The following C9orf85 variants were observed in gnomAD, a reference collection of about 807,000 sequenced individuals.
C9orf85 encodes the protein chromosome 9 open reading frame 85.
In C9orf85, 16 loss-of-function variants were observed where a neutral mutation model predicts 14.9. The observed-to-expected ratio is 1.08, with a 90% CI of 0.73 to 1.63. The LOEUF (loss-of-function observed/expected upper bound fraction) is 1.63. Among genes scored for constraint, C9orf85 ranks in the 40% most tolerant of loss-of-function variants. The probability of loss-of-function intolerance (pLI) is 0.00; values close to 1 mark genes in which losing one functional copy is unlikely to be tolerated. For synonymous variants in C9orf85, 45 were observed against 56.8 expected (o/e 0.79, Z 0.93); for missense variants, 172 against 186.1 (o/e 0.92, Z 0.44).
downstream of C9orf85, among the ~76,000 whole-genome samples, chr9:71,976,576 G>T (rs1331792851): frequency 6.6e-6 from 1 of 151,790 alleles, no homozygotes; most frequent in Non-Finnish European, 1.5e-5. Flanking sequence ...GCAGGAGAAT[G>T]GCATGAACCC....
chr9:71,943,402 C>G (rs1358196121), intron 1 of C9orf85, among the ~76,000 whole-genome samples: 3 of 151,972 alleles, frequency 2.0e-5, no homozygotes, highest in African/African-American at 7.3e-5. Context: ...TTTCAACTAC[C>G]GTAGTATCTT....
chr9:71,953,675 T>C (rs1162812184), intron 2 of C9orf85, among the ~76,000 whole-genome samples: 1 of 152,180 alleles, frequency 6.6e-6, no homozygotes, highest in Non-Finnish European at 1.5e-5. Flanking sequence ...AGTGTACCCC[T>C]TACCTATTCA....
intron 2 of C9orf85, among the ~76,000 whole-genome samples, chr9:71,959,281 G>T (rs770961353): frequency 6.6e-6 from 1 of 151,930 alleles, no homozygotes; most frequent in Non-Finnish European, 1.5e-5. Context: ...GGGATTACAG[G>T]CACGCCCCAC....
rs143805337 is a variant in C9orf85 at position 71,982,200 on chromosome 9, G to T, written c.324-457G>T. On this transcript the variant is annotated intron_variant, in intron 3 of 3. Transcript: ENST00000377031. ...CACCTTACATGACATTTTTGAGGTAGAGCCATGTTAAAACATGTACCGATA... is the reference window on the plus strand; with the variant it reads ...CACCTTACATGACATTTTTGAGGTATAGCCATGTTAAAACATGTACCGATA... Among the ~76,000 whole-genome samples, 29 of 151,940 alleles carry T rather than the reference G, an allele frequency of 1.9e-4. No individual in the cohort carries two copies. In the East Asian group the frequency reaches 4.4e-3, roughly 23 times the overall value.
intron 2 of C9orf85, among the ~76,000 whole-genome samples, chr9:71,968,214 G>C (rs2132353465): frequency 6.6e-6 from 1 of 151,672 alleles, no homozygotes; most frequent in South Asian, 2.1e-4. Flanking sequence ...TTTTGTCATG[G>C]ATTTTTACAT....
At chr9:71,972,264 AT>A (rs569084456) in intron 3 of C9orf85, among the ~76,000 whole-genome samples, 44 of 147,040 alleles carry the variant, frequency 3.0e-4, no homozygotes, top group Non-Finnish European at 3.2e-4. Flanking sequence ...GCGTTCAATG[AT>A]TTTTTTTTTT....
intron 2 of C9orf85, among the ~76,000 whole-genome samples, chr9:71,970,411 A>G (rs1822827759): frequency 1.3e-5 from 2 of 152,304 alleles, no homozygotes; most frequent in Admixed American, 1.3e-4. Flanking sequence ...TAAGTACCTC[A>G]CGATCCTTAT....
chr9:71,974,248 A>AT (rs1822962096), downstream of C9orf85, among the ~76,000 whole-genome samples: 1 of 49,014 alleles, frequency 2.0e-5, no homozygotes, highest in South Asian at 1.3e-3. Context: ...TTTTTATTTT[A>AT]CTTTTTTTTT....
intron 1 of C9orf85, among the ~76,000 whole-genome samples, chr9:71,944,175 A>T (rs1416362005): frequency 6.6e-6 from 1 of 151,762 alleles, no homozygotes; most frequent in Non-Finnish European, 1.5e-5. Flanking sequence ...CAGAGGTTGC[A>T]GTGAGCTAAG....
downstream of C9orf85, chr9:71,985,161 C>T (rs1823185173): frequency 6.6e-6 from 1 of 152,214 alleles, no homozygotes; most frequent in Non-Finnish European, 1.5e-5. Context: ...CCTCTCCAAA[C>T]ATCTATTTGT....
chr9:71,982,546 G>A (rs1361869784), intron 3 of C9orf85: 23 of 352,538 alleles, frequency 6.5e-5, no homozygotes, highest in Middle Eastern at 1.0e-3. Context: ...CAAGATCCTC[G>A]CCAACACTTG....
downstream of C9orf85, among the ~76,000 whole-genome samples, chr9:71,977,313 C>T (rs1823022539): frequency 6.6e-6 from 1 of 152,126 alleles, no homozygotes. Flanking sequence ...AATGCATTCC[C>T]AGCTGATACC....
intron 2 of C9orf85, among the ~76,000 whole-genome samples, chr9:71,965,159 G>A (rs533346521): frequency 6.6e-6 from 1 of 152,254 alleles, no homozygotes; most frequent in South Asian, 2.1e-4. Flanking sequence ...CAAAGGTAGG[G>A]GACCCAAAGA....
chr9:71,948,928 G>C (rs1822172570), intron 2 of C9orf85, among the ~76,000 whole-genome samples: 1 of 149,594 alleles, frequency 6.7e-6, no homozygotes. Flanking sequence ...TGAGTTTTAT[G>C]CTTAGTGGCC....
At chr9:71,970,909 A>G (rs1403814579) in intron 2 of C9orf85, among the ~76,000 whole-genome samples, 3 of 147,794 alleles carry the variant, frequency 2.0e-5, no homozygotes. Context: ...GCATGCCACC[A>G]CACCCAGCTA....
At chr9:71,945,897 T>C (rs1349036141) in intron 1 of C9orf85, among the ~76,000 whole-genome samples, 1 of 152,146 alleles carries the variant, frequency 6.6e-6, no homozygotes, top group African/African-American at 2.4e-5. Context: ...CAAAGCAAAC[T>C]AGAGAATTCT....
At chr9:71,918,498 C>T (rs757181122) in intron 1 of C9orf85, 5 of 1,263,062 alleles carry the variant, frequency 4.0e-6, no homozygotes, top group East Asian at 1.1e-4. Flanking sequence ...GCCCCCGACC[C>T]CCGCATCGGT....
chr9:71,983,691 A>G (rs1456898269), downstream of C9orf85: 1 of 152,242 alleles, frequency 6.6e-6, no homozygotes, highest in African/African-American at 2.4e-5. Flanking sequence ...ATTGGAAGGC[A>G]TGTAAAGAAC....
At chr9:71,956,475 C>T (rs1822385437) in intron 2 of C9orf85, among the ~76,000 whole-genome samples, 1 of 150,380 alleles carries the variant, frequency 6.6e-6, no homozygotes, top group African/African-American at 2.4e-5. Context: ...TCTCAAACTC[C>T]TGACCTCAGG....
Sources: gnomAD v4.1 joint callset for allele counts (sites outside exome capture counted in the v4.1 genomes callset) on GRCh38, gnomAD v4.1.1 for gene constraint, MANE v1.5 for transcripts, NCBI Gene and HGNC (gene_info 2026-07-23, HGNC 2026-07-21) for gene names.